The following NDC1 variants were observed in gnomAD, a reference collection of about 807,000 sequenced individuals.
NDC1 encodes the protein NDC1 transmembrane nucleoporin.
A neutral mutation model predicts 89.8 loss-of-function variants in NDC1; 24 were observed. The ratio of observed to expected loss-of-function variants is 0.27; its 90% CI spans 0.19 to 0.38. The LOEUF (loss-of-function observed/expected upper bound fraction) is 0.38. NDC1 is among the 10% of genes least tolerant of loss of function. NDC1 has a pLI of 1.00. For synonymous variants in NDC1, 296 were observed against 284.8 expected (o/e 1.04, Z -0.39); for missense variants, 728 against 797.6 (o/e 0.91, Z 1.05).
chr1:53,790,805 C>T (rs1271680631), intron 14 of NDC1, among the ~76,000 whole-genome samples: 1 of 152,170 alleles, frequency 6.6e-6, no homozygotes, highest in South Asian at 2.1e-4. Context: ...GAAAAACCGC[C>T]TAACCTTCAC....
chr1:53,793,581 TTC>T (rs1247025477), intron 13 of NDC1, among the ~76,000 whole-genome samples: 10 of 150,882 alleles, frequency 6.6e-5, no homozygotes, highest in East Asian at 2.0e-4. Context: ...TGAAATTTTT[TTC>T]TTTTTTCTTT....
chr1:53,784,168 G>A (rs114266778), intron 16 of NDC1, among the ~76,000 whole-genome samples: 2,274 of 151,778 alleles, frequency 0.015, 51 homozygotes, highest in African/African-American at 0.053. Flanking sequence ...ATATTAAAAT[G>A]CACTACACAT....
At chr1:53,819,198 G>A in intron 5 of NDC1, 119 bp from the exon 6 acceptor site, 1 of 623,220 alleles carries the variant, frequency 1.6e-6, no homozygotes, top group East Asian at 3.1e-5. Context: ...TATTGTATAA[G>A]AAGACAAAGA....
intron 6 of NDC1, among the ~76,000 whole-genome samples, chr1:53,810,866 C>T (rs1003582132): frequency 3.9e-5 from 6 of 152,214 alleles, no homozygotes; most frequent in Non-Finnish European, 8.8e-5. Context: ...CAAGAACAAA[C>T]CAGCAATCAC....
chr1:53,795,059 G>T (rs1352079464), intron 13 of NDC1, among the ~76,000 whole-genome samples: 1 of 152,064 alleles, frequency 6.6e-6, no homozygotes, highest in African/African-American at 2.4e-5. Flanking sequence ...AACAGCTCTT[G>T]TCAAGGACTC....
intron 6 of NDC1, among the ~76,000 whole-genome samples, chr1:53,812,076 G>C (rs1252955833): frequency 6.6e-6 from 1 of 152,120 alleles, no homozygotes; most frequent in Non-Finnish European, 1.5e-5. Context: ...TGCATCAAAG[G>C]AACACCTCGT....
rs1208802673 is a variant in NDC1, at chr1:53,806,432, A to G, written c.977T>C (p.Ile326Thr). 4.6e-6 allele frequency: 7 copies of G among 1,536,236 alleles called. No homozygotes were observed. Among genetic ancestry groups the G allele is most frequent in the Non-Finnish European group, 6.1e-6 (7 of 1,150,100 alleles). ...GCAACACAGTTTGGATACCTTTATG[A>G]TGGGGGGAGGATTGCTATTTAACAC... ...PKVLNSNPPP[I>T]IKYLALQDLM... is the part of the protein sequence containing the mutation. The change falls in exon 9 of 18, where the codon ATC becomes ACC. Residue 326 changes from isoleucine to threonine, a missense_variant. Transcript: ENST00000371429.
At chr1:53,833,474 T>C (rs1239131650) in intron 2 of NDC1, among the ~76,000 whole-genome samples, 1 of 152,176 alleles carries the variant, frequency 6.6e-6, no homozygotes, top group South Asian at 2.1e-4. Flanking sequence ...AAGAGAAGTA[T>C]CATCTTTAGT....
chr1:53,790,366 A>C (rs1391449128), intron 14 of NDC1, among the ~76,000 whole-genome samples: 5 of 143,652 alleles, frequency 3.5e-5, no homozygotes, highest in Non-Finnish European at 6.1e-5. Flanking sequence ...ACTCTGTCTC[A>C]AAAAAAAAAA....
At chr1:53,786,448 A>G (rs1026555747) in intron 16 of NDC1, among the ~76,000 whole-genome samples, 1 of 152,246 alleles carries the variant, frequency 6.6e-6, no homozygotes, top group Non-Finnish European at 1.5e-5. Flanking sequence ...GGTGATAGGC[A>G]TCTACTGGCC....
At chr1:53,837,579 A>G (rs1007227558) in intron 1 of NDC1, among the ~76,000 whole-genome samples, 2 of 152,232 alleles carry the variant, frequency 1.3e-5, no homozygotes, top group Non-Finnish European at 2.9e-5. Flanking sequence ...CTCAAAAAAA[A>G]AAAAAGATAA....
chr1:53,829,639 T>C (rs1483314722), intron 3 of NDC1, among the ~76,000 whole-genome samples: 1 of 152,206 alleles, frequency 6.6e-6, no homozygotes, highest in Non-Finnish European at 1.5e-5. Flanking sequence ...GCATGGCATA[T>C]AGTAAATGCA....
intron 3 of NDC1, among the ~76,000 whole-genome samples, chr1:53,831,797 T>C (rs1649077196): frequency 6.6e-6 from 1 of 152,042 alleles, no homozygotes; most frequent in African/African-American, 2.4e-5. Context: ...TCAAGGAATC[T>C]GAAAAGGCAG....
At position 53,767,977 on chromosome 1, in the gene NDC1, T is replaced by C; in HGVS notation, c.2018A>G (p.Lys673Arg). Residue 673 changes from lysine to arginine, a missense_variant, in exon 18 of 18, where the codon AAA becomes AGA. By Grantham distance (26) the Lys-to-Arg change is conservative. Transcript: ENST00000371429. ...QKRLQQFLEF[K>R]E ...ACAGTTTATATTACTTAACTATTCT[T>C]TGAACTCCAAGAACTGTTGAAGTCT... 6.2e-7 allele frequency: 1 copy of C among 1,602,530 alleles called. No individual in the cohort carries two copies. The highest frequency in any genetic ancestry group is 8.5e-7 in the Non-Finnish European group (1 of 1,171,614).
At chr1:53,814,259 G>A (rs914692878) in intron 6 of NDC1, among the ~76,000 whole-genome samples, 1 of 152,210 alleles carries the variant, frequency 6.6e-6, no homozygotes, top group Non-Finnish European at 1.5e-5. Context: ...GGAGGCTGAG[G>A]AAGGAGAATG....
intron 16 of NDC1, among the ~76,000 whole-genome samples, chr1:53,784,575 G>A (rs952520410): frequency 6.6e-6 from 1 of 152,172 alleles, no homozygotes; most frequent in Non-Finnish European, 1.5e-5. Flanking sequence ...GGTGGATCAC[G>A]AGGTCAGGAG....
At chr1:53,818,568 C>G (rs1002087703) in intron 6 of NDC1, among the ~76,000 whole-genome samples, 1 of 152,192 alleles carries the variant, frequency 6.6e-6, no homozygotes, top group Non-Finnish European at 1.5e-5. Flanking sequence ...CACTGAACAA[C>G]TCCACCCCTT....
chr1:53,837,882 ATTAAG>A (rs559393913), intron 1 of NDC1, among the ~76,000 whole-genome samples: 268 of 152,214 alleles, frequency 1.8e-3, no homozygotes, highest in Non-Finnish European at 2.8e-3. Context: ...AACGAAACAA[ATTAAG>A]TTATTTATTT....
At chr1:53,804,101 AAATT>A (rs1283436804) in intron 9 of NDC1, 92 bp from the exon 10 acceptor site, 4 of 881,558 alleles carry the variant, frequency 4.5e-6, no homozygotes, top group Non-Finnish European at 7.2e-6. Flanking sequence ...ATCCAAGAGG[AAATT>A]AATTAAACTT....
Sources: gnomAD v4.1 joint callset for allele counts (sites outside exome capture counted in the v4.1 genomes callset) on GRCh38, gnomAD v4.1.1 for gene constraint, MANE v1.5 for transcripts, NCBI Gene and HGNC (gene_info 2026-07-23, HGNC 2026-07-21) for gene names.